The following CENPU variants were observed in gnomAD, a reference collection of about 807,000 sequenced individuals.
The protein encoded by CENPU is KSHV latent nuclear antigen interacting protein 1.
CENPU carries 46 observed loss-of-function variants against 56.7 expected under a neutral mutation model. The observed-to-expected ratio is 0.81, with a 90% CI of 0.64 to 1.04. The LOEUF (loss-of-function observed/expected upper bound fraction) is 1.04, where lower values mean the gene tolerates loss of function less well. CENPU is among the 50% of genes least tolerant of loss of function. CENPU has a pLI of 0.00. For missense variants in CENPU, 510 were observed against 490.1 expected, an observed-to-expected ratio of 1.04 and a Z score of -0.38; for synonymous variants, 166 against 163.0, an observed-to-expected ratio of 1.02 and a Z score of -0.14.
Position 184,694,348 on chromosome 4 carries a change from G to C in CENPU, c.*940C>G, listed in dbSNP as rs1166494288. ...TCTGAGCTTCAGTGCAGCAACGTTT[G>C]AATCAGTGCACTCATTCCCACGGTG... is the stretch of plus-strand genomic sequence containing the variant. On this transcript the variant is annotated 3_prime_UTR_variant, in exon 13 of 13. Coordinates refer to ENST00000281453, the MANE Select transcript of CENPU (RefSeq NM_024629.4). 6.5e-6 allele frequency: 9 copies of C among 1,390,658 alleles called. No individual in the cohort carries two copies. Among genetic ancestry groups the C allele is most frequent in the Admixed American group, 5.9e-5 (2 of 33,888 alleles). The allele number at this position is 1,390,658 out of a possible 1,614,324, so 86.1% of individuals were successfully genotyped here. A position where few individuals can be genotyped will look rare whatever the true frequency, so the allele number is the denominator to read the frequency against.
At chr4:184,702,518 A>T in intron 8 of CENPU, 77 bp from the exon 9 acceptor site, 1 of 968,534 alleles carries the variant, frequency 1.0e-6, no homozygotes, top group Non-Finnish European at 1.6e-6. Context: ...CATACAAACA[A>T]ACATACACAT....
chr4:184,695,991 C>G (rs570995208), intron 12 of CENPU, among the ~76,000 whole-genome samples: 1 of 152,128 alleles, frequency 6.6e-6, no homozygotes, highest in South Asian at 2.1e-4. Context: ...ACATAAAATA[C>G]AATATCCAAC....
chr4:184,722,862 A>T (rs964171546), intron 4 of CENPU, among the ~76,000 whole-genome samples: 2 of 152,246 alleles, frequency 1.3e-5, no homozygotes, highest in African/African-American at 4.8e-5. Context: ...ATTGCTGCTC[A>T]ATCATTCCTA....
rs754083650 is a variant in CENPU, at chr4:184,710,091, T to C, written c.778A>G (p.Lys260Glu). Reference sequence around the variant, plus strand: ...ACTTACTGATGCTCTAGGTGGGTTTTCTCAAATTCAGGCAAAACAATATTC... The same window carrying C: ...ACTTACTGATGCTCTAGGTGGGTTTCCTCAAATTCAGGCAAAACAATATTC... ...ELNIVLPEFE[K>E]THLEHQQRIE... The change falls in exon 8 of 13, where the codon AAA becomes GAA. Residue 260 changes from lysine (K) to glutamate (E), a missense_variant. Lys to Glu is a moderately conservative substitution (Grantham distance 56). Coordinates refer to ENST00000281453, the MANE Select transcript of CENPU (RefSeq NM_024629.4). 4 of 1,609,584 alleles carry C rather than the reference T, an allele frequency of 2.5e-6. No individual in the cohort carries two copies. In the East Asian group the frequency reaches 6.7e-5, roughly 27 times the overall value.
At chr4:184,730,599 CATA>C (rs1761606031) in intron 2 of CENPU, among the ~76,000 whole-genome samples, 1 of 47,400 alleles carries the variant, frequency 2.1e-5, no homozygotes, top group Non-Finnish European at 5.5e-5. Context: ...ATCATGAAAT[CATA>C]AAACAATTCT....
intron 7 of CENPU, among the ~76,000 whole-genome samples, chr4:184,710,918 C>T (rs952306693): frequency 1.3e-5 from 2 of 152,226 alleles, no homozygotes; most frequent in Non-Finnish European, 2.9e-5. Context: ...TGCAGTAGCA[C>T]GCTCACCACT....
Position 184,728,902 on chromosome 4 carries a change from G to C in CENPU, c.214+16C>G, listed in dbSNP as rs754189906. The C allele has an allele frequency of 6.4e-6, 10 of 1,571,372 alleles. No homozygotes were observed. The highest frequency in any genetic ancestry group is 8.8e-6 in the Non-Finnish European group (10 of 1,142,346). The stretch of plus-strand genomic sequence containing the variant: ...TGCTTTAGAGTTATGTTAGGATAAA[G>C]ATTTAAAGTACTAACCAAAGGTCTC... On this transcript the variant is annotated intron_variant, in intron 3 of 12. Transcript: ENST00000281453.
intron 7 of CENPU, among the ~76,000 whole-genome samples, chr4:184,712,711 G>A (rs4519834): frequency 0.18 from 27,150 of 152,024 alleles, 2,733 homozygotes; most frequent in African/African-American, 0.26. Flanking sequence ...GTAAAATCTA[G>A]GTAGTGGGTA....
At chr4:184,724,179 T>A (rs763269302) in intron 4 of CENPU, among the ~76,000 whole-genome samples, 2 of 152,064 alleles carry the variant, frequency 1.3e-5, no homozygotes, top group Non-Finnish European at 2.9e-5. Context: ...GGCAGGAGAA[T>A]GGCGTGAACC....
intron 11 of CENPU, among the ~76,000 whole-genome samples, chr4:184,698,521 G>A (rs1760417896): frequency 2.0e-5 from 3 of 152,120 alleles, no homozygotes; most frequent in Admixed American, 2.0e-4. Context: ...CGTGATCTCA[G>A]CTCACTGCAA....
In CENPU at chr4:184,694,551, T is replaced by G. The variant is rs746562224; in HGVS notation, c.*737A>C. ...AAGAGTTTACAACAGATGAAGCAGA[T>G]GAAACTAGGAGCAATGAAACCCAGA... On this transcript the variant is annotated 3_prime_UTR_variant, in exon 13 of 13. Transcript: ENST00000281453. 38 of 1,612,660 alleles carry G rather than the reference T, an allele frequency of 2.4e-5. No individual in the cohort carries two copies. Among genetic ancestry groups the G allele is most frequent in the Non-Finnish European group, 3.1e-5 (36 of 1,179,846 alleles).
At chr4:184,717,821 A>T (rs1761142123) in intron 4 of CENPU, among the ~76,000 whole-genome samples, 2 of 152,222 alleles carry the variant, frequency 1.3e-5, no homozygotes, top group South Asian at 4.1e-4. Context: ...TAGGAAAAGC[A>T]TCACAGTTAT....
At chr4:184,702,004 G>T in intron 10 of CENPU, 85 bp downstream of exon 10, 1 of 833,596 alleles carries the variant, frequency 1.2e-6, no homozygotes, top group East Asian at 2.6e-5. Context: ...CACTCTAAAG[G>T]CTGTAAACCC....
At chr4:184,715,777 C>T (rs760444731) in intron 6 of CENPU, among the ~76,000 whole-genome samples, 37 of 152,106 alleles carry the variant, frequency 2.4e-4, no homozygotes, top group African/African-American at 8.5e-4. Flanking sequence ...GAATGTTATG[C>T]ATTGTTGAAT....
chr4:184,703,877 G>A (rs1178309916), intron 8 of CENPU, among the ~76,000 whole-genome samples: 2 of 152,170 alleles, frequency 1.3e-5, no homozygotes, highest in African/African-American at 4.8e-5. Flanking sequence ...AGACAATAAT[G>A]GAGCTAAAAA....
At chr4:184,716,356 A>C in intron 6 of CENPU, 41 bp downstream of exon 6, 1 of 1,403,868 alleles carries the variant, frequency 7.1e-7, no homozygotes. Context: ...ATTTTTCAAT[A>C]AACTTTTTTT....
intron 1 of CENPU, 92 bp from the exon 2 acceptor site, chr4:184,731,060 A>G: frequency 2.0e-6 from 1 of 509,630 alleles, no homozygotes; most frequent in Non-Finnish European, 3.0e-6. Context: ...CATTTTTACC[A>G]AAAAAAAAAA....
At chr4:184,727,343 G>A (rs1008576492) in intron 3 of CENPU, among the ~76,000 whole-genome samples, 1 of 152,154 alleles carries the variant, frequency 6.6e-6, no homozygotes, top group Non-Finnish European at 1.5e-5. Context: ...AAAAAGTTCT[G>A]GAGATGGATG....
intron 5 of CENPU, 76 bp downstream of exon 5, chr4:184,717,060 A>G (rs1761117964): frequency 2.2e-6 from 2 of 923,776 alleles, no homozygotes; most frequent in Admixed American, 2.1e-5. Context: ...GAAATATTTT[A>G]CAGAACATTT....
Sources: gnomAD v4.1 joint callset for allele counts (sites outside exome capture counted in the v4.1 genomes callset) on GRCh38, gnomAD v4.1.1 for gene constraint, MANE v1.5 for transcripts, NCBI Gene and HGNC (gene_info 2026-07-23, HGNC 2026-07-21) for gene names.